Variants in EPM2A observed in about 807,000 individuals in gnomAD.
EPM2A encodes EPM2A glucan phosphatase, laforin, also known as laforin.
Under a neutral mutation model 26.5 loss-of-function variants are expected in EPM2A, and 21 were observed. The ratio of observed to expected loss-of-function variants is 0.79; its 90% confidence interval spans 0.56 to 1.14. The LOEUF (loss-of-function observed/expected upper bound fraction) is 1.14, where lower values mean the gene tolerates loss of function less well. Ranked by LOEUF, EPM2A falls within the 50% of genes most tolerant of loss-of-function variation. EPM2A has a pLI of 0.00. For synonymous variants in EPM2A, 217 were observed against 177.6 expected, an observed-to-expected ratio of 1.22 and a Z score of -1.76; for missense variants, 458 against 440.8, an observed-to-expected ratio of 1.04 and a Z score of -0.35.
At position 145,635,248 on chromosome 6, in the gene EPM2A, C is replaced by T. The variant is rs373652439; in HGVS notation, c.715G>A (p.Glu239Lys). Reference sequence around the variant, plus strand: ...GCAGAACAGTTCTGATCCTTACCTTCGGTGCTCATATCTGGTGTTGGCATC... The same window carrying T: ...GCAGAACAGTTCTGATCCTTACCTTTGGTGCTCATATCTGGTGTTGGCATC... ...IWMPTPDMST[E>K]GRVQMLPQAV... is the part of the protein sequence containing the mutation. The change falls in exon 3 of 4, where the codon GAA becomes AAA. Residue 239 changes from glutamate (E) to lysine (K), a missense_variant. Coordinates refer to ENST00000367519, the MANE Select transcript of EPM2A (RefSeq NM_005670.4). 1.4e-5 allele frequency: 22 copies of T among 1,614,044 alleles called. No homozygotes were observed. In the Admixed American group the frequency reaches 2.5e-4, roughly 18 times the overall value.
intron 2 of EPM2A, among the ~76,000 whole-genome samples, chr6:145,652,704 A>G (rs702305): frequency 0.55 from 82,479 of 151,124 alleles, 23,033 homozygotes; most frequent in East Asian, 0.74. Flanking sequence ...TCATGGGTAC[A>G]TGAACTTCTA....
chr6:145,478,830 T>C (rs1274325759), intron 4 of EPM2A, among the ~76,000 whole-genome samples: 2 of 151,852 alleles, frequency 1.3e-5, no homozygotes. Flanking sequence ...TTAACTTCAT[T>C]GCATAAATAC....
intron 1 of EPM2A, among the ~76,000 whole-genome samples, chr6:145,706,820 C>T (rs988933570): frequency 1.3e-5 from 2 of 152,034 alleles, no homozygotes; most frequent in Non-Finnish European, 2.9e-5. Flanking sequence ...TTGAAGAGGC[C>T]ACTTGCTATA....
chr6:145,645,497 G>T lies in EPM2A; in HGVS notation c.477-10011C>A, dbSNP rs111922207. Among the ~76,000 whole-genome samples, 31 of 152,048 alleles carry T rather than the reference G, an allele frequency of 2.0e-4. 1 individual carries two copies. Among genetic ancestry groups the T allele is most frequent in the Non-Finnish European group, 5.9e-5 (4 of 68,008 alleles). On this transcript the variant is annotated intron_variant, in intron 2 of 3. Transcript: ENST00000367519. ...TCTTTTCTACTTTTTTGGAAACGAG[G>T]TCTTGCTACGCTGCCCATGCTAATG...
chr6:145,632,033 A>G (rs951630825), intron 3 of EPM2A: 2 of 152,204 alleles, frequency 1.3e-5, no homozygotes, highest in Non-Finnish European at 2.9e-5. Context: ...AAACTTAAAG[A>G]CTTGGAACTA....
intron 4 of EPM2A, among the ~76,000 whole-genome samples, chr6:145,473,929 T>C (rs888816009): frequency 1.1e-4 from 16 of 152,024 alleles, no homozygotes; most frequent in Non-Finnish European, 1.6e-4. Context: ...GTACTTCAAT[T>C]AGAAAGAAAA....
At chr6:145,628,684 C>A (rs549419532) in intron 3 of EPM2A, 21 of 152,342 alleles carry the variant, frequency 1.4e-4, no homozygotes, top group African/African-American at 4.8e-4. Flanking sequence ...CCGAAAGGAT[C>A]CTCCGACGGT....
At chr6:145,576,215 C>T (rs2114830655) in intron 2 of EPM2A, among the ~76,000 whole-genome samples, 1 of 152,276 alleles carries the variant, frequency 6.6e-6, no homozygotes, top group Non-Finnish European at 1.5e-5. Context: ...AATTACAATT[C>T]TAGAATTCTC....
chr6:145,657,268 T>C (rs1778368461), intron 2 of EPM2A, among the ~76,000 whole-genome samples: 1 of 152,012 alleles, frequency 6.6e-6, no homozygotes, highest in Non-Finnish European at 1.5e-5. Context: ...TTTTGTATTT[T>C]TGGTAGAGAC....
chr6:145,640,081 C>T (rs1036223568), intron 2 of EPM2A: 1 of 152,176 alleles, frequency 6.6e-6, no homozygotes, highest in Middle Eastern at 3.2e-3. Flanking sequence ...CATAATACTA[C>T]AGTATTTGTT....
intron 2 of EPM2A, among the ~76,000 whole-genome samples, chr6:145,559,693 A>T (rs796841171): frequency 1.1e-3 from 165 of 143,858 alleles, no homozygotes; most frequent in East Asian, 1.8e-3. Flanking sequence ...TTTTTTTTTT[A>T]AAATGGTGCT....
chr6:145,487,422 T>A (rs1470622518), intron 4 of EPM2A, among the ~76,000 whole-genome samples: 3 of 152,180 alleles, frequency 2.0e-5, no homozygotes, highest in African/African-American at 4.8e-5. Flanking sequence ...CGCCACACTG[T>A]CATCCACAAT....
At chr6:145,565,220 T>TG (rs11383986) in intron 2 of EPM2A, among the ~76,000 whole-genome samples, 53,400 of 152,008 alleles carry the variant, frequency 0.35, 9,984 homozygotes, top group South Asian at 0.51. Flanking sequence ...GGTAGCACCC[T>TG]TGGTTTTTGA....
chr6:145,597,330 C>T (rs931690640), intron 2 of EPM2A, among the ~76,000 whole-genome samples: 1 of 152,164 alleles, frequency 6.6e-6, no homozygotes, highest in Non-Finnish European at 1.5e-5. Flanking sequence ...ATATCTTCTT[C>T]TACACTTACA....
intron 2 of EPM2A, among the ~76,000 whole-genome samples, chr6:145,525,056 T>G (rs1025690095): frequency 3.3e-5 from 5 of 152,016 alleles, no homozygotes; most frequent in Admixed American, 3.3e-4. Flanking sequence ...TTTTGTTGAC[T>G]TTGTTGAAGA....
chr6:145,668,615 G>T (rs1779412385), intron 2 of EPM2A, among the ~76,000 whole-genome samples: 1 of 152,106 alleles, frequency 6.6e-6, no homozygotes, highest in Admixed American at 6.5e-5. Context: ...TAATTAAGAG[G>T]TGGATGGAGG....
At chr6:145,732,270 A>C (rs1776535349) in intron 1 of EPM2A, among the ~76,000 whole-genome samples, 1 of 147,564 alleles carries the variant, frequency 6.8e-6, no homozygotes. Flanking sequence ...AGGAATGTGT[A>C]AGTAAGCTAT....
At chr6:145,477,603 C>T (rs1054975955) in intron 4 of EPM2A, among the ~76,000 whole-genome samples, 2 of 151,832 alleles carry the variant, frequency 1.3e-5, no homozygotes, top group African/African-American at 4.8e-5. Flanking sequence ...GGACTTACCT[C>T]TGGGATGCAA....
At position 145,735,468 on chromosome 6, in the gene EPM2A, G is replaced by GT; in HGVS notation, c.30dup (p.Pro11ThrfsTer97). ...TCCGGCCGGGCGCCGGCCACGGCGG[G>GT]TGGCACCACCACCCCAAAGCGGAAG... is the stretch of plus-strand genomic sequence containing the variant. On this transcript the variant is annotated frameshift_variant, in exon 1 of 4. Transcript: ENST00000367519. LOFTEE classifies it high-confidence loss of function. 2 of 1,224,512 alleles carry GT rather than the reference G, an allele frequency of 1.6e-6. No homozygotes were observed. The highest frequency in any genetic ancestry group is 2.0e-6 in the Non-Finnish European group (2 of 980,874). The allele number at this position is 1,224,512 out of a possible 1,614,324, so 75.9% of individuals were successfully genotyped here.
Sources: allele counts gnomAD v4.1 joint callset (sites outside exome capture counted in the v4.1 genomes callset), GRCh38; gene constraint gnomAD v4.1.1; transcripts MANE v1.5; gene names NCBI Gene and HGNC (gene_info 2026-07-23, HGNC 2026-07-21).